The following BABAM2 variants were observed in gnomAD, a reference collection of about 807,000 sequenced individuals.
The protein encoded by BABAM2 is BRISC and BRCA1-A complex member 2.
In BABAM2, 31 loss-of-function variants were observed where a neutral mutation model predicts 54.7. The observed-to-expected ratio is 0.57, with a 90% CI of 0.43 to 0.77. The LOEUF (loss-of-function observed/expected upper bound fraction) is 0.77, where lower values mean the gene tolerates loss of function less well. Ranked by LOEUF, BABAM2 falls within the 30% of genes least tolerant of loss-of-function variation. The probability of loss-of-function intolerance (pLI) is 0.00; values close to 1 mark genes in which losing one functional copy is unlikely to be tolerated. For missense variants in BABAM2, 364 were observed against 455.8 expected, an observed-to-expected ratio of 0.80 and a Z score of 1.83; for synonymous variants, 167 against 162.9, an observed-to-expected ratio of 1.03 and a Z score of -0.19.
chr2:28,204,280 G>A (rs1392532404), intron 7 of BABAM2, among the ~76,000 whole-genome samples: 4 of 152,120 alleles, frequency 2.6e-5, no homozygotes, highest in Admixed American at 1.3e-4. Flanking sequence ...TACCTTTCTA[G>A]AGAAAAATGT....
At chr2:28,016,781 C>T (rs1674859158) in intron 4 of BABAM2, among the ~76,000 whole-genome samples, 1 of 152,184 alleles carries the variant, frequency 6.6e-6, no homozygotes, top group African/African-American at 2.4e-5. Context: ...TATCAGTGTG[C>T]TACAATTTGT....
chr2:28,082,344 A>AAGAT (rs1208876465), intron 6 of BABAM2, among the ~76,000 whole-genome samples: 1 of 152,196 alleles, frequency 6.6e-6, no homozygotes, highest in African/African-American at 2.4e-5. Context: ...AAACATTTTA[A>AAGAT]AGATAAAAAG....
chr2:27,910,413 CT>C, intron 2 of BABAM2, among the ~76,000 whole-genome samples: 1 of 152,202 alleles, frequency 6.6e-6, no homozygotes, highest in South Asian at 2.1e-4. Context: ...AATTTAAAAA[CT>C]TTTTATTGAG....
intron 3 of BABAM2, among the ~76,000 whole-genome samples, chr2:27,959,009 T>G (rs533269488): frequency 7.2e-5 from 11 of 152,212 alleles, no homozygotes; most frequent in Non-Finnish European, 1.5e-4. Flanking sequence ...GAGTGGGTAC[T>G]TAGATTTTAA....
intron 2 of BABAM2, 58 bp from the exon 3 acceptor site, chr2:27,929,773 GT>G: frequency 6.8e-7 from 1 of 1,472,638 alleles, no homozygotes; most frequent in Non-Finnish European, 9.5e-7. Flanking sequence ...AAACATGTGG[GT>G]TTTTAAAGTT....
At chr2:28,075,264 C>T (rs1323030020) in intron 6 of BABAM2, among the ~76,000 whole-genome samples, 1 of 152,178 alleles carries the variant, frequency 6.6e-6, no homozygotes, top group Non-Finnish European at 1.5e-5. Flanking sequence ...GATTGGACTG[C>T]ACCTCTGTAA....
intron 11 of BABAM2, among the ~76,000 whole-genome samples, chr2:28,314,660 AAGATAC>A (rs941337199): frequency 6.6e-5 from 10 of 152,234 alleles, no homozygotes; most frequent in African/African-American, 2.4e-4. Context: ...AGTGATGTGT[AAGATAC>A]AGTCCCTGCT....
Position 28,025,376 on chromosome 2 carries a change from T to A in BABAM2, c.451T>A (p.Tyr151Asn). ...CCAGACATTACTGGAGGAGCCACAG[T>A]ATGGAGAGAACATGGAAATTTATGC... is the stretch of plus-strand genomic sequence containing the variant. ...EYQTLLEEPQ[Y>N]GENMEIYAGK... The change falls in exon 5 of 12, where the codon TAT becomes AAT. Residue 151 changes from tyrosine (Y) to asparagine (N), a missense_variant. Tyr to Asn is a moderately radical substitution (Grantham distance 143). Transcript: ENST00000379624. The A allele has an allele frequency of 6.3e-7, 1 of 1,597,002 alleles. No individual in the cohort carries two copies. Among genetic ancestry groups the A allele is most frequent in the Non-Finnish European group, 8.5e-7 (1 of 1,175,666 alleles).
chr2:28,000,942 G>T (rs994229665), intron 4 of BABAM2, among the ~76,000 whole-genome samples: 1 of 151,882 alleles, frequency 6.6e-6, no homozygotes, highest in African/African-American at 2.4e-5. Context: ...GATGATCTTG[G>T]CTCATCTTGT....
At chr2:28,174,332 A>G (rs1396829137) in intron 7 of BABAM2, among the ~76,000 whole-genome samples, 1 of 152,132 alleles carries the variant, frequency 6.6e-6, no homozygotes, top group Admixed American at 6.5e-5. Context: ...CAATATATGT[A>G]TATATATATA....
intron 3 of BABAM2, among the ~76,000 whole-genome samples, chr2:27,953,644 CA>C (rs751089037): frequency 0.02 from 2,772 of 136,626 alleles, 57 homozygotes; most frequent in African/African-American, 0.063. Context: ...ACGATCTCAC[CA>C]AAAAAAAAAA....
At chr2:28,026,835 T>TATATATTTATATAAAAA (rs1553414430) in intron 5 of BABAM2, among the ~76,000 whole-genome samples, 1 of 54,346 alleles carries the variant, frequency 1.8e-5, no homozygotes, top group Non-Finnish European at 3.3e-5. Context: ...TATATATAAA[T>TATATATTTATATAAAAA]ATATATAAAT....
chr2:28,289,078 A>T (rs1249641617), intron 10 of BABAM2, among the ~76,000 whole-genome samples: 1 of 151,734 alleles, frequency 6.6e-6, no homozygotes, highest in East Asian at 1.9e-4. Flanking sequence ...ACACACACAC[A>T]CACACGATTA....
intron 7 of BABAM2, among the ~76,000 whole-genome samples, chr2:28,179,996 C>G (rs7583746): frequency 2.0e-5 from 3 of 151,708 alleles, no homozygotes; most frequent in African/African-American, 7.3e-5. Context: ...AACAGCCTAC[C>G]CTCATGAATC....
At chr2:28,015,230 A>G (rs913203370) in intron 4 of BABAM2, among the ~76,000 whole-genome samples, 3 of 152,218 alleles carry the variant, frequency 2.0e-5, no homozygotes, top group African/African-American at 7.2e-5. Context: ...CTATTCTGCT[A>G]GCTAAAGAGA....
intron 3 of BABAM2, among the ~76,000 whole-genome samples, chr2:27,966,872 G>A (rs1322939579): frequency 4.6e-5 from 7 of 152,274 alleles, no homozygotes; most frequent in Non-Finnish European, 7.4e-5. Flanking sequence ...CAGACCTGCT[G>A]CCTTCCTTTA....
At position 28,182,648 on chromosome 2, in the gene BABAM2, T is replaced by C. The variant is rs574578043; in HGVS notation, c.680+53268T>C. Among the ~76,000 whole-genome samples the C allele has an allele frequency of 1.4e-4, 22 of 152,356 alleles. No homozygotes were observed. The South Asian group carries it at 3.9e-3, about 27-fold the overall frequency. On this transcript the variant is annotated intron_variant, in intron 7 of 11. Coordinates refer to ENST00000379624, the MANE Select transcript of BABAM2 (RefSeq NM_199191.3). Reference sequence around the variant, plus strand: ...CCAGCCTTGAGAAGAGGACCTGCTATGCAGTTACTGCGGACTGCAAATTCA... The same window carrying C: ...CCAGCCTTGAGAAGAGGACCTGCTACGCAGTTACTGCGGACTGCAAATTCA...
intron 2 of BABAM2, among the ~76,000 whole-genome samples, chr2:27,898,906 A>C (rs1665550633): frequency 6.6e-6 from 1 of 152,024 alleles, no homozygotes; most frequent in Non-Finnish European, 1.5e-5. Context: ...CAAATTGCAC[A>C]CTTCACAGTG....
chr2:28,151,758 A>G (rs1213612396), intron 7 of BABAM2, among the ~76,000 whole-genome samples: 1 of 152,250 alleles, frequency 6.6e-6, no homozygotes, highest in Non-Finnish European at 1.5e-5. Flanking sequence ...CTTAAAATTA[A>G]AACTTTTAGC....
Sources: allele counts gnomAD v4.1 joint callset (sites outside exome capture counted in the v4.1 genomes callset), GRCh38; gene constraint gnomAD v4.1.1; transcripts MANE v1.5; gene names NCBI Gene and HGNC (gene_info 2026-07-23, HGNC 2026-07-21).